CCDC148: variants seen among roughly 807,000 people sequenced by gnomAD.
CCDC148 encodes the protein coiled-coil domain-containing protein 148.
Under a neutral mutation model 85.7 loss-of-function variants are expected in CCDC148, and 89 were observed. That is an observed-to-expected ratio of 1.04 (90% confidence interval 0.87 to 1.24). CCDC148 has a LOEUF of 1.24. CCDC148 is among the 50% of genes most tolerant of loss of function. CCDC148 has a pLI of 0.00. For missense variants in CCDC148, 692 were observed against 671.7 expected, an observed-to-expected ratio of 1.03 and a Z score of -0.33; for synonymous variants, 230 against 213.9, an observed-to-expected ratio of 1.08 and a Z score of -0.66.
chr2:158,291,218 G>A (rs1313416302), intron 9 of CCDC148, among the ~76,000 whole-genome samples: 1 of 152,134 alleles, frequency 6.6e-6, no homozygotes, highest in Non-Finnish European at 1.5e-5. Flanking sequence ...CTCCCGAGTG[G>A]CTGGTATTAC....
At chr2:158,230,006 G>T (rs1468513342) in intron 10 of CCDC148, among the ~76,000 whole-genome samples, 1 of 152,082 alleles carries the variant, frequency 6.6e-6, no homozygotes, top group African/African-American at 2.4e-5. Flanking sequence ...GCTCTCACTA[G>T]TGAGTTCCAC....
At chr2:158,426,433 C>T (rs1245020087) in intron 1 of CCDC148, among the ~76,000 whole-genome samples, 2 of 152,054 alleles carry the variant, frequency 1.3e-5, no homozygotes, top group Admixed American at 6.6e-5. Flanking sequence ...TAAGCATTTG[C>T]ATATTCAGAT....
chr2:158,387,556 G>A (rs1327126270), intron 1 of CCDC148, among the ~76,000 whole-genome samples: 1 of 151,984 alleles, frequency 6.6e-6, no homozygotes. Flanking sequence ...CACAGTCAGT[G>A]CTCCCCTGCC....
chr2:158,348,926 T>C (rs1349082000), intron 2 of CCDC148, among the ~76,000 whole-genome samples: 2 of 152,096 alleles, frequency 1.3e-5, no homozygotes, highest in African/African-American at 4.8e-5. Context: ...GTTAAAATAC[T>C]GGGAATGTAC....
At position 158,245,861 on chromosome 2, in the gene CCDC148, G is replaced by A. The variant is rs1688549251; in HGVS notation, c.1251+4911C>T. Among the ~76,000 whole-genome samples, 2 of 152,116 alleles carry A rather than the reference G, an allele frequency of 1.3e-5. 1 individual carries two copies. Among genetic ancestry groups the A allele is most frequent in the South Asian group, 4.1e-4 (2 of 4,828 alleles). ...ACAACAATTTCAGAAATAGAGAGAT[G>A]CTCCTGAAAAACATCAATATCATCT... On this transcript the variant is annotated intron_variant, in intron 10 of 13. Transcript: ENST00000283233.
At chr2:158,371,850 C>CTTTA (rs1299219141) in intron 1 of CCDC148, among the ~76,000 whole-genome samples, 1 of 151,960 alleles carries the variant, frequency 6.6e-6, no homozygotes, top group Non-Finnish European at 1.5e-5. Context: ...TCTCTGCCCT[C>CTTTA]TTTATAATTC....
chr2:158,188,393 T>A (rs1430134803), intron 11 of CCDC148, among the ~76,000 whole-genome samples: 2 of 151,974 alleles, frequency 1.3e-5, no homozygotes, highest in African/African-American at 4.8e-5. Flanking sequence ...CTTTATATAA[T>A]CTAAAAATAA....
chr2:158,209,161 C>T (rs1686421322), intron 11 of CCDC148, among the ~76,000 whole-genome samples: 1 of 151,020 alleles, frequency 6.6e-6, no homozygotes, highest in Non-Finnish European at 1.5e-5. Flanking sequence ...CAGGGGTAGT[C>T]CCCCAAAAGA....
chr2:158,218,937 G>C (rs1200714247), intron 11 of CCDC148, among the ~76,000 whole-genome samples: 1 of 152,108 alleles, frequency 6.6e-6, no homozygotes, highest in African/African-American at 2.4e-5. Flanking sequence ...AAAATCCTTA[G>C]GAATGCTTAG....
At chr2:158,346,825 C>T (rs1053010316) in intron 2 of CCDC148, among the ~76,000 whole-genome samples, 2 of 152,100 alleles carry the variant, frequency 1.3e-5, no homozygotes, top group African/African-American at 2.4e-5. Context: ...TATTTCCAGC[C>T]GTCATTCACT....
chr2:158,298,895 T>C (rs549550906), intron 9 of CCDC148, among the ~76,000 whole-genome samples: 1 of 152,310 alleles, frequency 6.6e-6, no homozygotes, highest in Non-Finnish European at 1.5e-5. Context: ...GATTTTCCTG[T>C]TTCTTTGAGT....
chr2:158,408,859 T>C (rs1392786507), intron 1 of CCDC148, among the ~76,000 whole-genome samples: 2 of 152,072 alleles, frequency 1.3e-5, no homozygotes, highest in Non-Finnish European at 2.9e-5. Context: ...TTTCTGATAA[T>C]AGCCATTCTA....
At chr2:158,315,376 G>A (rs1264773163) in intron 7 of CCDC148, among the ~76,000 whole-genome samples, 1 of 152,088 alleles carries the variant, frequency 6.6e-6, no homozygotes, top group Non-Finnish European at 1.5e-5. Context: ...TAATAGCAGA[G>A]TTAGCCACAT....
chr2:158,348,685 CA>C (rs1009656842), intron 2 of CCDC148, among the ~76,000 whole-genome samples: 2 of 151,824 alleles, frequency 1.3e-5, no homozygotes, highest in Non-Finnish European at 2.9e-5. Flanking sequence ...CAATCTGGCA[CA>C]GGGGGTCATT....
chr2:158,379,911 GTCTGGAA>G (rs1253591376), intron 1 of CCDC148, among the ~76,000 whole-genome samples: 3 of 152,016 alleles, frequency 2.0e-5, no homozygotes, highest in Non-Finnish European at 2.9e-5. Flanking sequence ...TACTGTAGTG[GTCTGGAA>G]TCAAACCTGC....
chr2:158,406,620 T>TC (rs1686020302), intron 1 of CCDC148, among the ~76,000 whole-genome samples: 1 of 98,408 alleles, frequency 1.0e-5, no homozygotes, highest in African/African-American at 3.6e-5. Context: ...TTTCTTTTTT[T>TC]TTTTTTTTTT....
At chr2:158,425,437 G>T in intron 1 of CCDC148, 1 of 319,322 alleles carries the variant, frequency 3.1e-6, no homozygotes, top group African/African-American at 2.1e-5. Context: ...AGACACAATT[G>T]TGTCTAACTG....
At chr2:158,227,155 A>G (rs1344983550) in intron 10 of CCDC148, among the ~76,000 whole-genome samples, 2 of 152,158 alleles carry the variant, frequency 1.3e-5, no homozygotes, top group Non-Finnish European at 2.9e-5. Flanking sequence ...ATTCCCATAC[A>G]CCAATAACAG....
chr2:158,352,700 T>C (rs6739424), intron 2 of CCDC148, among the ~76,000 whole-genome samples: 117,334 of 150,934 alleles, frequency 0.78, 45,950 homozygotes, highest in East Asian at 0.95. Flanking sequence ...GGCAGGCCAA[T>C]GTTCAGATTC....
Sources: allele counts gnomAD v4.1 joint callset (sites outside exome capture counted in the v4.1 genomes callset), GRCh38; gene constraint gnomAD v4.1.1; transcripts MANE v1.5; gene names NCBI Gene and HGNC (gene_info 2026-07-23, HGNC 2026-07-21).